NFIB: variants seen among roughly 807,000 people sequenced by gnomAD.
The protein encoded by NFIB is nuclear factor 1 B-type.
Under a neutral mutation model 61.5 loss-of-function variants are expected in NFIB, and 11 were observed. That is an observed-to-expected ratio of 0.18 (90% CI 0.11 to 0.30). NFIB has a LOEUF of 0.30. Ranked by LOEUF, NFIB falls within the 10% of genes least tolerant of loss-of-function variation. The probability of loss-of-function intolerance (pLI) is 1.00; values close to 1 mark genes in which losing one functional copy is unlikely to be tolerated. For synonymous variants in NFIB, 260 were observed against 216.5 expected, an observed-to-expected ratio of 1.20 and a Z score of -1.76; for missense variants, 471 against 608.9, an observed-to-expected ratio of 0.77 and a Z score of 2.38.
chr9:14,165,833 G>A (rs1179807915), intron 3 of NFIB, among the ~76,000 whole-genome samples: 1 of 152,092 alleles, frequency 6.6e-6, no homozygotes, highest in African/African-American at 2.4e-5. Context: ...GTCACATGGT[G>A]GTTGCCAGGG....
intron 2 of NFIB, chr9:14,306,043 AAAAT>A: frequency 1.2e-6 from 1 of 855,686 alleles, no homozygotes. Flanking sequence ...TATATTAAGA[AAAAT>A]AAAAATAATA....
intron 6 of NFIB, among the ~76,000 whole-genome samples, chr9:14,131,580 C>G (rs961971326): frequency 3.3e-5 from 5 of 152,206 alleles, no homozygotes; most frequent in African/African-American, 9.6e-5. Flanking sequence ...AGATGTATAT[C>G]TGTTCAAGTC....
chr9:14,264,942 A>G (rs984410315), intron 2 of NFIB, among the ~76,000 whole-genome samples: 1 of 152,152 alleles, frequency 6.6e-6, no homozygotes, highest in African/African-American at 2.4e-5. Context: ...CCGTCTACTC[A>G]TGAAATTTCT....
intron 2 of NFIB, among the ~76,000 whole-genome samples, chr9:14,260,746 C>A (rs1365369462): frequency 1.3e-5 from 2 of 152,130 alleles, no homozygotes; most frequent in South Asian, 2.1e-4. Context: ...TCTTGACAAC[C>A]AATCACAGAT....
chr9:14,350,922 C>A (rs2061101970), intron 1 of NFIB, among the ~76,000 whole-genome samples: 2 of 152,076 alleles, frequency 1.3e-5, no homozygotes, highest in African/African-American at 4.8e-5. Flanking sequence ...GGAAGGAGAC[C>A]GCGGGGCAAA....
intron 2 of NFIB, among the ~76,000 whole-genome samples, chr9:14,201,371 A>G (rs759531480): frequency 1.6e-4 from 24 of 151,868 alleles, no homozygotes; most frequent in Non-Finnish European, 3.1e-4. Context: ...TCACACCCAC[A>G]CCCAACTTCC....
chr9:14,414,207 G>A, the NFIB span, among the ~76,000 whole-genome samples: 5 of 152,092 alleles, frequency 3.3e-5, no homozygotes, highest in East Asian at 1.9e-4. Flanking sequence ...GGAGGCCAAG[G>A]TGGGCAGATT....
chr9:14,336,977 T>C (rs376179505), intron 1 of NFIB, among the ~76,000 whole-genome samples: 12 of 152,232 alleles, frequency 7.9e-5, no homozygotes, highest in Non-Finnish European at 1.6e-4. Flanking sequence ...AAACTTTATA[T>C]ATGGATACTG....
At chr9:14,499,380 C>T in the NFIB span, among the ~76,000 whole-genome samples, 4 of 152,042 alleles carry the variant, frequency 2.6e-5, no homozygotes, top group African/African-American at 9.7e-5. Context: ...GACAGCTGTG[C>T]CCCCTCCCTT....
the NFIB span, among the ~76,000 whole-genome samples, chr9:14,496,470 G>A: frequency 6.6e-6 from 1 of 152,258 alleles, no homozygotes; most frequent in South Asian, 2.1e-4. Flanking sequence ...TTTTCAGATT[G>A]AGGATGTTCA....
At chr9:14,451,715 T>C in the NFIB span, among the ~76,000 whole-genome samples, 3 of 152,194 alleles carry the variant, frequency 2.0e-5, no homozygotes, top group Non-Finnish European at 4.4e-5. Flanking sequence ...GGCTTTAGTC[T>C]CCCATTTAAC....
chr9:14,514,907 T>C, the NFIB span, among the ~76,000 whole-genome samples: 8 of 152,130 alleles, frequency 5.3e-5, no homozygotes, highest in Admixed American at 3.9e-4. Flanking sequence ...GACTCTAGTA[T>C]GTAGCCATAG....
chr9:14,464,675 T>C, the NFIB span, among the ~76,000 whole-genome samples: 61 of 152,082 alleles, frequency 4.0e-4, no homozygotes, highest in African/African-American at 1.3e-3. Flanking sequence ...GGTGGGGTGC[T>C]TGGCCGAGAC....
the NFIB span, among the ~76,000 whole-genome samples, chr9:14,439,755 C>T: frequency 1.3e-5 from 2 of 152,110 alleles, no homozygotes; most frequent in Admixed American, 6.5e-5. Context: ...ACAGGTGGTT[C>T]CAATTCCAGA....
At chr9:14,364,178 G>T (rs2061273427) in intron 1 of NFIB, among the ~76,000 whole-genome samples, 1 of 152,206 alleles carries the variant, frequency 6.6e-6, no homozygotes, top group African/African-American at 2.4e-5. Context: ...CACAGCCACA[G>T]TGTAAGAAAT....
At chr9:14,361,151 G>T (rs2061235106) in intron 1 of NFIB, 1 of 151,244 alleles carries the variant, frequency 6.6e-6, no homozygotes, top group Admixed American at 6.6e-5. Context: ...CATTTTGGAT[G>T]AATTCCCAGT....
chr9:14,344,292 G>T (rs896488374), intron 1 of NFIB, among the ~76,000 whole-genome samples: 1 of 151,930 alleles, frequency 6.6e-6, no homozygotes, highest in Non-Finnish European at 1.5e-5. Context: ...TGATGGGGGT[G>T]CGAGAGTGGG....
chr9:14,454,852 G>A, the NFIB span, among the ~76,000 whole-genome samples: 1 of 152,152 alleles, frequency 6.6e-6, no homozygotes, highest in African/African-American at 2.4e-5. Context: ...AGCTTTAAAG[G>A]TTTTCATATG....
Position 14,371,442 on chromosome 9 carries a change from C to G in NFIB, c.108+27082G>C, listed in dbSNP as rs565795802. Among the ~76,000 whole-genome samples the G allele has an allele frequency of 3.3e-4, 51 of 152,292 alleles. No individual in the cohort carries two copies. In the South Asian group the frequency reaches 3.5e-3, roughly 11 times the overall value. ...GGTCAGATCTCACTGGCTGGGGAGT[C>G]AGGGGCTATAGGATCTCATTCTGGT... On this transcript the variant is annotated intron_variant, in intron 1 of 8. Transcript: ENST00000380934.
Sources: gnomAD v4.1 joint callset for allele counts (sites outside exome capture counted in the v4.1 genomes callset) on GRCh38, gnomAD v4.1.1 for gene constraint, MANE v1.5 for transcripts, NCBI Gene and HGNC (gene_info 2026-07-23, HGNC 2026-07-21) for gene names.